The following TNNI3K variants were observed in gnomAD, a reference collection of about 807,000 sequenced individuals.
TNNI3K encodes serine/threonine-protein kinase TNNI3K.
A neutral mutation model predicts 114.5 loss-of-function variants in TNNI3K; 140 were observed. The ratio of observed to expected loss-of-function variants is 1.22; its 90% CI spans 1.07 to 1.41. The LOEUF is 1.41. Ranked by LOEUF, TNNI3K falls within the 40% of genes most tolerant of loss-of-function variation. The probability of loss-of-function intolerance (pLI) is 0.00; values close to 1 mark genes in which losing one functional copy is unlikely to be tolerated. For synonymous variants in TNNI3K, 347 were observed against 347.5 expected (o/e 1.00, Z 0.02); for missense variants, 1,125 against 1,007.6 (o/e 1.12, Z -1.58).
At chr1:74,451,712 TTTC>T (rs1667024774) in intron 20 of TNNI3K, among the ~76,000 whole-genome samples, 1 of 73,760 alleles carries the variant, frequency 1.4e-5, no homozygotes, top group African/African-American at 5.7e-5. Context: ...TCTTTCTTTC[TTTC>T]TTTCTTTCTT....
chr1:74,532,296 C>T (rs1279813511), intron 23 of TNNI3K, among the ~76,000 whole-genome samples: 1 of 152,074 alleles, frequency 6.6e-6, no homozygotes, highest in Non-Finnish European at 1.5e-5. Context: ...AAAGCTGATT[C>T]TGATTTTGCT....
intron 2 of TNNI3K, among the ~76,000 whole-genome samples, chr1:74,247,760 T>C (rs1013936302): frequency 5.9e-5 from 9 of 152,146 alleles, no homozygotes; most frequent in Admixed American, 2.0e-4. Context: ...AGAGTGCTGA[T>C]TGGTGCATTT....
At chr1:74,477,766 T>C (rs1172495028) in intron 21 of TNNI3K, among the ~76,000 whole-genome samples, 2 of 152,198 alleles carry the variant, frequency 1.3e-5, no homozygotes, top group Non-Finnish European at 2.9e-5. Flanking sequence ...CAAATGAAGC[T>C]TGTAGGCAGG....
At chr1:74,420,131 A>AT (rs1463878855) in intron 17 of TNNI3K, among the ~76,000 whole-genome samples, 1 of 152,076 alleles carries the variant, frequency 6.6e-6, no homozygotes, top group East Asian at 1.9e-4. Context: ...ATTTGGATGC[A>AT]TTTTTTATGC....
At chr1:74,450,308 G>A (rs1249689291) in intron 20 of TNNI3K, among the ~76,000 whole-genome samples, 1 of 151,714 alleles carries the variant, frequency 6.6e-6, no homozygotes, top group Non-Finnish European at 1.5e-5. Context: ...AAGCAGGAAA[G>A]ATCCAAAATT....
intron 5 of TNNI3K, among the ~76,000 whole-genome samples, chr1:74,303,424 C>T (rs1658447923): frequency 1.3e-5 from 2 of 152,004 alleles, no homozygotes; most frequent in Admixed American, 6.6e-5. Context: ...CTTGGTCTCC[C>T]AAAGTGCTGG....
At chr1:74,249,901 C>T (rs1654824787) in intron 3 of TNNI3K, among the ~76,000 whole-genome samples, 1 of 152,040 alleles carries the variant, frequency 6.6e-6, no homozygotes. Flanking sequence ...CAATATTCAA[C>T]AAGAGTATGT....
At chr1:74,537,346 TGATTGAGAAA>T (rs1435092268) in intron 23 of TNNI3K, among the ~76,000 whole-genome samples, 1 of 152,178 alleles carries the variant, frequency 6.6e-6, no homozygotes, top group Non-Finnish European at 1.5e-5. Flanking sequence ...TATTTATTGT[TGATTGAGAAA>T]ACATTATGTC....
At chr1:74,282,463 C>T (rs1018175030) in intron 5 of TNNI3K, among the ~76,000 whole-genome samples, 1 of 151,838 alleles carries the variant, frequency 6.6e-6, no homozygotes, top group African/African-American at 2.4e-5. Context: ...TGCCTGGCAG[C>T]TTGGTCTCTG....
chr1:74,448,276 A>T (rs1407203763), intron 20 of TNNI3K, among the ~76,000 whole-genome samples: 1 of 145,530 alleles, frequency 6.9e-6, no homozygotes, highest in African/African-American at 2.6e-5. Context: ...AAAAAAAAAA[A>T]AAAAAAAGAA....
At chr1:74,254,352 A>G (rs578057377) in intron 4 of TNNI3K, among the ~76,000 whole-genome samples, 14 of 152,176 alleles carry the variant, frequency 9.2e-5, no homozygotes, top group Non-Finnish European at 1.8e-4. Flanking sequence ...AGTTTTATCA[A>G]TTGTCCCAAT....
At chr1:74,250,572 T>G in intron 3 of TNNI3K, 100 bp from the exon 4 acceptor site, 1 of 1,108,304 alleles carries the variant, frequency 9.0e-7, no homozygotes. Flanking sequence ...CAGCTTGACA[T>G]TTTTATACAG....
intron 5 of TNNI3K, among the ~76,000 whole-genome samples, chr1:74,320,857 GA>G (rs1308500802): frequency 6.6e-6 from 1 of 151,878 alleles, no homozygotes; most frequent in Non-Finnish European, 1.5e-5. Context: ...TATTTTTTCT[GA>G]AAAAAGAGAG....
chr1:74,454,176 AGGG>A (rs1667137161), intron 20 of TNNI3K, among the ~76,000 whole-genome samples: 1 of 152,190 alleles, frequency 6.6e-6, no homozygotes, highest in South Asian at 2.1e-4. Flanking sequence ...CCAGAATAAT[AGGG>A]ATATCTGACT....
chr1:74,302,625 G>C (rs1281098583), intron 5 of TNNI3K, among the ~76,000 whole-genome samples: 2 of 152,176 alleles, frequency 1.3e-5, no homozygotes, highest in African/African-American at 4.8e-5. Context: ...TAGCAATATG[G>C]ATAGAAAGTC....
intron 17 of TNNI3K, 130 bp from the exon 18 acceptor site, chr1:74,435,950 C>T: frequency 8.4e-7 from 1 of 1,187,092 alleles, no homozygotes; most frequent in Non-Finnish European, 1.1e-6. Context: ...TTTGATTTAG[C>T]CCTTTGGGGC....
At chr1:74,452,828 C>T (rs988252410) in intron 20 of TNNI3K, among the ~76,000 whole-genome samples, 2 of 152,166 alleles carry the variant, frequency 1.3e-5, no homozygotes, top group Non-Finnish European at 2.9e-5. Flanking sequence ...CAGAGTCATC[C>T]CAACCACAGG....
At chr1:74,453,072 A>G (rs577159439) in intron 20 of TNNI3K, among the ~76,000 whole-genome samples, 1 of 152,268 alleles carries the variant, frequency 6.6e-6, no homozygotes, top group East Asian at 1.9e-4. Flanking sequence ...TTTTACTCAC[A>G]GTTTTGTAAT....
At chr1:74,387,479 C>A (rs1663545766) in intron 17 of TNNI3K, among the ~76,000 whole-genome samples, 1 of 152,116 alleles carries the variant, frequency 6.6e-6, no homozygotes, top group Non-Finnish European at 1.5e-5. Flanking sequence ...GGATTTGTTT[C>A]AAAAAGAGAA....
Sources: allele counts gnomAD v4.1 joint callset (sites outside exome capture counted in the v4.1 genomes callset), GRCh38; gene constraint gnomAD v4.1.1; transcripts MANE v1.5; gene names NCBI Gene and HGNC (gene_info 2026-07-23, HGNC 2026-07-21).